Variants in LRP1B observed in about 807,000 individuals in gnomAD.
The protein encoded by LRP1B is low-density lipoprotein receptor-related protein 1B.
Under a neutral mutation model 556.6 loss-of-function variants are expected in LRP1B, and 217 were observed. The ratio of observed to expected loss-of-function variants is 0.39; its 90% CI spans 0.35 to 0.44. The LOEUF is 0.44. Ranked by LOEUF, LRP1B falls within the 20% of genes least tolerant of loss-of-function variation. The probability of loss-of-function intolerance (pLI) is 1.00; values close to 1 mark genes in which losing one functional copy is unlikely to be tolerated. For missense variants in LRP1B, 5,053 were observed against 5,620.8 expected (o/e 0.90, Z 3.23); for synonymous variants, 2,047 against 1,865.8 (o/e 1.10, Z -2.50).
At chr2:140,356,821 C>T (rs1391869238) in intron 74 of LRP1B, among the ~76,000 whole-genome samples, 1 of 151,800 alleles carries the variant, frequency 6.6e-6, no homozygotes, top group Non-Finnish European at 1.5e-5. Flanking sequence ...ACATCCTTCT[C>T]TGAGAGCCAA....
intron 10 of LRP1B, among the ~76,000 whole-genome samples, chr2:141,052,156 A>G (rs1027013026): frequency 4.6e-5 from 7 of 152,188 alleles, no homozygotes; most frequent in African/African-American, 1.7e-4. Flanking sequence ...ACGAAATTAC[A>G]GAATAAAGTA....
intron 3 of LRP1B, among the ~76,000 whole-genome samples, chr2:141,320,235 T>C (rs1300275169): frequency 2.6e-5 from 4 of 152,136 alleles, no homozygotes; most frequent in Non-Finnish European, 5.9e-5. Flanking sequence ...AAATTACTTT[T>C]ATAATAATTA....
chr2:141,943,305 T>C (rs1700867879), intron 1 of LRP1B, among the ~76,000 whole-genome samples: 1 of 152,234 alleles, frequency 6.6e-6, no homozygotes, highest in Non-Finnish European at 1.5e-5. Context: ...TATTCCGAAG[T>C]GTTATAACAA....
Position 140,839,937 on chromosome 2 carries a change from C to T in LRP1B, c.5209+54G>A, listed in dbSNP as rs566145051. 24 of 1,038,270 alleles carry T rather than the reference C, an allele frequency of 2.3e-5. No homozygotes were observed. The African/African-American group carries it at 3.2e-4, about 14-fold the overall frequency. 64.3% of individuals were successfully genotyped at this position (1,038,270 alleles called of 1,614,324 possible). ...GGATCTAGATCAAAGGTATATTGTA[C>T]AAGTACAGGTTTGTCACATTGAAAA... On this transcript the variant is annotated intron_variant, in intron 31 of 90. Coordinates refer to ENST00000389484, the MANE Select transcript of LRP1B (RefSeq NM_018557.3).
chr2:140,929,743 C>T lies in LRP1B; in HGVS notation c.3137-6596G>A, dbSNP rs568356111. Among the ~76,000 whole-genome samples, 5 of 131,706 alleles carry T rather than the reference C, an allele frequency of 3.8e-5. No homozygotes were observed. In the South Asian group the frequency reaches 1.3e-3, roughly 34 times the overall value. The allele number at this position is 131,706 out of a possible 152,430, so 86.4% of individuals were successfully genotyped here. A position where few individuals can be genotyped will look rare whatever the true frequency, so the allele number is the denominator to read the frequency against. On this transcript the variant is annotated intron_variant, in intron 20 of 90. Transcript: ENST00000389484. ...GCTTGGACACTTAAAGTTTATACCA[C>T]AGTCATATAGACTCACACACACACA...
At chr2:140,841,207 C>T in intron 29 of LRP1B, 115 bp from the exon 30 acceptor site, 1 of 644,928 alleles carries the variant, frequency 1.6e-6, no homozygotes, top group Non-Finnish European at 2.5e-6. Context: ...AATTTGTTAG[C>T]TAAAATCGCA....
At chr2:141,371,524 C>A (rs1689230714) in intron 3 of LRP1B, among the ~76,000 whole-genome samples, 1 of 152,218 alleles carries the variant, frequency 6.6e-6, no homozygotes, top group South Asian at 2.1e-4. Flanking sequence ...TGTTATTCCA[C>A]TTCTTTGTGT....
intron 35 of LRP1B, among the ~76,000 whole-genome samples, chr2:140,720,263 A>G (rs1455516565): frequency 6.6e-6 from 1 of 152,036 alleles, no homozygotes; most frequent in Non-Finnish European, 1.5e-5. Flanking sequence ...CTAGAGTAAA[A>G]TTAAAAATAA....
chr2:141,854,853 G>C (rs1001180191), intron 1 of LRP1B, among the ~76,000 whole-genome samples: 4 of 151,904 alleles, frequency 2.6e-5, no homozygotes, highest in African/African-American at 9.7e-5. Flanking sequence ...TCTTTATTCT[G>C]ATATGTATGG....
chr2:141,314,913 CAT>C (rs916961424), intron 3 of LRP1B, among the ~76,000 whole-genome samples: 10 of 138,962 alleles, frequency 7.2e-5, no homozygotes, highest in Admixed American at 3.7e-4. Flanking sequence ...TATATATACA[CAT>C]ATATATATGT....
intron 3 of LRP1B, among the ~76,000 whole-genome samples, chr2:141,304,078 A>G (rs1195687382): frequency 6.6e-6 from 1 of 152,010 alleles, no homozygotes; most frequent in Non-Finnish European, 1.5e-5. Flanking sequence ...AGAAATATTT[A>G]CTCATTTCCT....
chr2:140,775,566 G>A (rs759925761), intron 33 of LRP1B, among the ~76,000 whole-genome samples: 1 of 146,860 alleles, frequency 6.8e-6, no homozygotes, highest in Non-Finnish European at 1.5e-5. Context: ...GGGCTGTACT[G>A]GCTGCCATCT....
rs930508736 is a variant in LRP1B, at chr2:141,019,998, C to G, written c.1894G>C (p.Ala632Pro). 1 of 1,611,972 alleles carries G rather than the reference C, an allele frequency of 6.2e-7. No individual in the cohort carries two copies. The highest frequency in any genetic ancestry group is 8.5e-7 in the Non-Finnish European group (1 of 1,178,662). The change falls in exon 12 of 91, where the codon GCT (alanine) becomes CCT (proline). Residue 632 changes from alanine (A) to proline (P), a missense_variant. Physicochemically the swap from Ala to Pro is conservative, Grantham distance 27. Coordinates refer to ENST00000389484, the MANE Select transcript of LRP1B (RefSeq NM_018557.3). ...AAAAGAGTCTTCCGACTCTGAGAAG[C>G]TTTTTCCAGCCTGGCCACATTAATG... ...KTINVARLEK[A>P]SQSRKTLLEG...
chr2:141,128,681 C>T (rs186507928), intron 7 of LRP1B, among the ~76,000 whole-genome samples: 6 of 145,076 alleles, frequency 4.1e-5, no homozygotes, highest in East Asian at 1.9e-4. Context: ...AGTGCGATGG[C>T]GTGATCTTGG....
intron 1 of LRP1B, among the ~76,000 whole-genome samples, chr2:141,866,680 A>G (rs1698422727): frequency 6.6e-6 from 1 of 152,070 alleles, no homozygotes; most frequent in African/African-American, 2.4e-5. Flanking sequence ...AGAACCTAAC[A>G]CAGCTCTATT....
intron 1 of LRP1B, among the ~76,000 whole-genome samples, chr2:142,048,647 T>C (rs1020392142): frequency 3.3e-5 from 5 of 152,056 alleles, no homozygotes; most frequent in Non-Finnish European, 5.9e-5. Flanking sequence ...TTGCTACTTG[T>C]AGTGTATGTA....
At chr2:140,387,340 T>C (rs1304445016) in intron 66 of LRP1B, among the ~76,000 whole-genome samples, 1 of 152,194 alleles carries the variant, frequency 6.6e-6, no homozygotes, top group Admixed American at 6.6e-5. Context: ...ACTGAGCATC[T>C]ATTGAGGATC....
chr2:140,757,378 A>G (rs1269207787), intron 35 of LRP1B, among the ~76,000 whole-genome samples: 1 of 152,248 alleles, frequency 6.6e-6, no homozygotes, highest in African/African-American at 2.4e-5. Context: ...AATAGTCAAC[A>G]AAGTGGAAAT....
chr2:140,574,997 A>G (rs987064364), intron 43 of LRP1B, among the ~76,000 whole-genome samples: 2 of 152,192 alleles, frequency 1.3e-5, no homozygotes, highest in African/African-American at 4.8e-5. Flanking sequence ...GTAAATTATT[A>G]TATTGTTACA....
Sources: gnomAD v4.1 joint callset for allele counts (sites outside exome capture counted in the v4.1 genomes callset) on GRCh38, gnomAD v4.1.1 for gene constraint, MANE v1.5 for transcripts, NCBI Gene and HGNC (gene_info 2026-07-23, HGNC 2026-07-21) for gene names.